The following BRF1 variants were observed in gnomAD, a reference collection of about 807,000 sequenced individuals.
BRF1 encodes BRF1 general transcription factor IIIB subunit.
Under a neutral mutation model 81.7 loss-of-function variants are expected in BRF1, and 59 were observed. That is an observed-to-expected ratio of 0.72 (90% confidence interval 0.59 to 0.90). BRF1 has a LOEUF of 0.90. Among genes scored for constraint, BRF1 ranks in the 40% least tolerant of loss-of-function variants. BRF1 has a pLI of 0.00. For synonymous variants in BRF1, 491 were observed against 395.6 expected, an observed-to-expected ratio of 1.24 and a Z score of -2.86; for missense variants, 1,050 against 936.3, an observed-to-expected ratio of 1.12 and a Z score of -1.58.
rs758460283 is a variant in BRF1, at chr14:105,249,920, G to T, written c.544+2587C>A. The T allele has an allele frequency of 2.5e-6, 4 of 1,611,206 alleles. No individual in the cohort carries two copies. The South Asian group carries it at 4.4e-5, about 18-fold the overall frequency. ...AGACCGGCAGACGCTGGAGATCATT[G>T]TCACTCGGGAGGCCCTCAACACCAA... On this transcript the variant is annotated intron_variant, in intron 5 of 17. Coordinates refer to ENST00000547530, the MANE Select transcript of BRF1 (RefSeq NM_001519.4).
intron 7 of BRF1, among the ~76,000 whole-genome samples, chr14:105,228,588 C>T (rs111771852): frequency 1.5e-3 from 226 of 151,904 alleles, no homozygotes; most frequent in Middle Eastern, 3.4e-3. Context: ...AGGATGCCTC[C>T]GCAGGATAGG....
chr14:105,249,577 C>G, intron 5 of BRF1: 1 of 1,586,396 alleles, frequency 6.3e-7, no homozygotes, highest in South Asian at 1.2e-5. Context: ...ACTCCTCTCC[C>G]AGGCCCAGCC....
intron 1 of BRF1, among the ~76,000 whole-genome samples, chr14:105,288,190 C>A (rs1291680735): frequency 2.0e-5 from 3 of 152,228 alleles, no homozygotes; most frequent in Non-Finnish European, 1.5e-5. Flanking sequence ...CGCGGTGGCT[C>A]ACGCTTGTAA....
At position 105,315,104 on chromosome 14, in the gene BRF1, TGC is replaced by T; in HGVS notation, c.-162+216_-162+217del. 1.0e-6 allele frequency: 1 copy of T among 984,090 alleles called. No homozygotes were observed. The highest frequency in any genetic ancestry group is 1.2e-6 in the Non-Finnish European group (1 of 813,376). 61.0% of individuals were successfully genotyped at this position (984,090 alleles called of 1,614,324 possible). A position where few individuals can be genotyped will look rare whatever the true frequency, so the allele number is the denominator to read the frequency against. ...CTGGGGGTGTCCTGGCCGCGGCCTCTGCGCGCCCCATCCCCGGCCCGGGTCCC... is the reference window on the plus strand; with the variant it reads ...CTGGGGGTGTCCTGGCCGCGGCCTCTGCGCCCCATCCCCGGCCCGGGTCCC... On this transcript the variant is annotated intron_variant, in intron 1 of 17. Coordinates refer to the BRF1 transcript ENST00000327359. This position sits in a 1 kb window ranked among gnomAD's most constrained non-coding sequence, Gnocchi z 4.4.
intron 1 of BRF1, among the ~76,000 whole-genome samples, chr14:105,288,958 C>G (rs2140492456): frequency 6.6e-6 from 1 of 151,156 alleles, no homozygotes; most frequent in Non-Finnish European, 1.5e-5. Flanking sequence ...ATCACTAGAG[C>G]CCGGGAGGTC....
chr14:105,281,229 T>C (rs868843240), intron 2 of BRF1, among the ~76,000 whole-genome samples: 637 of 53,874 alleles, frequency 0.012, no homozygotes, highest in Middle Eastern at 0.024. Flanking sequence ...GCCTGCGTGA[T>C]CCTGAGCCCG....
chr14:105,211,258 C>A lies in BRF1; in HGVS notation c.1860G>T (p.Glu620Asp). The change falls in exon 17 of 18, where the codon GAG becomes GAT. Residue 620 changes from glutamate (E) to aspartate (D), a missense_variant. By Grantham distance (45) the Glu-to-Asp change is conservative. This residue lies in a region of BRF1 where 1,043 missense variants were observed against 915.4 expected (regional missense o/e 1.14). Transcript: ENST00000547530. Reference protein sequence around the residue: ...LLPSSPTLGAEPARPQAVLVE... With the variant: ...LLPSSPTLGADPARPQAVLVE... Reference sequence around the variant, plus strand: ...CCAGCACCGCCTGGGGCCTGGCAGGCTCAGCTCCGAGGGTGGGAGAGCTTG... The same window carrying A: ...CCAGCACCGCCTGGGGCCTGGCAGGATCAGCTCCGAGGGTGGGAGAGCTTG... 1 of 1,607,566 alleles carries A rather than the reference C, an allele frequency of 6.2e-7. No homozygotes were observed. Among genetic ancestry groups the A allele is most frequent in the Non-Finnish European group, 8.5e-7 (1 of 1,177,268 alleles).
intron 2 of BRF1, among the ~76,000 whole-genome samples, chr14:105,282,192 G>C (rs1208007231): frequency 6.6e-6 from 1 of 152,190 alleles, no homozygotes; most frequent in Non-Finnish European, 1.5e-5. Context: ...ACCATCCCAG[G>C]GGGAAGGGGC....
In BRF1 at chr14:105,219,533, C is replaced by T. The variant is rs1029357787; in HGVS notation, c.1378-301G>A. ...CCAGAGTGCAGGCCACAGGTTCCCA[C>T]AAAGGGGCCAAGTGAGGGTGAGAGC... On this transcript the variant is annotated intron_variant, in intron 12 of 17. Transcript: ENST00000547530. 17 of 534,732 alleles carry T rather than the reference C, an allele frequency of 3.2e-5. 1 individual carries two copies. Among genetic ancestry groups the T allele is most frequent in the Non-Finnish European group, 4.9e-5 (15 of 305,902 alleles). The allele number at this position is 534,732 out of a possible 1,614,324, so 33.1% of individuals were successfully genotyped here. A position where few individuals can be genotyped will look rare whatever the true frequency, so the allele number is the denominator to read the frequency against.
At chr14:105,218,622 G>T (rs1036002795) in intron 14 of BRF1, among the ~76,000 whole-genome samples, 1 of 152,222 alleles carries the variant, frequency 6.6e-6, no homozygotes, top group Non-Finnish European at 1.5e-5. Flanking sequence ...AAGTCACCGT[G>T]ACGGCCACAA....
At chr14:105,305,286 C>T (rs2058154062), upstream of BRF1, among the ~76,000 whole-genome samples, 1 of 152,136 alleles carries the variant, frequency 6.6e-6, no homozygotes. Context: ...TCTGTAGTCC[C>T]AGCTACTTGG....
chr14:105,314,534 G>C (rs1450378377), intron 1 of BRF1: 2 of 147,238 alleles, frequency 1.4e-5, no homozygotes, highest in Non-Finnish European at 3.0e-5. Flanking sequence ...CGGCGGGCGG[G>C]GACGCCCCGT....
intron 1 of BRF1, among the ~76,000 whole-genome samples, chr14:105,287,577 G>A (rs2057362802): frequency 6.6e-6 from 1 of 152,202 alleles, no homozygotes; most frequent in Admixed American, 6.5e-5. Context: ...ACACTGGAAG[G>A]ATAGGATGCA....
chr14:105,224,038 A>G (rs928528076), intron 10 of BRF1, among the ~76,000 whole-genome samples: 1 of 152,220 alleles, frequency 6.6e-6, no homozygotes, highest in Non-Finnish European at 1.5e-5. Flanking sequence ...CCCAACAGAC[A>G]ACTTTGTATC....
chr14:105,225,592 C>T (rs1180718098), intron 10 of BRF1, among the ~76,000 whole-genome samples: 1 of 152,020 alleles, frequency 6.6e-6, no homozygotes, highest in South Asian at 2.1e-4. Context: ...CCCAAAATAT[C>T]TTTGACATAT....
intron 4 of BRF1, 31 bp downstream of exon 4, chr14:105,256,487 T>C (rs757158579): frequency 6.2e-7 from 1 of 1,613,634 alleles, no homozygotes; most frequent in Non-Finnish European, 8.5e-7. Flanking sequence ...CAACCCCAGG[T>C]GGGGAAAGAT....
Position 105,220,468 on chromosome 14 carries a change from AG to A in BRF1, c.1316-339del, listed in dbSNP as rs587673222. Among the ~76,000 whole-genome samples the A allele has an allele frequency of 9.5e-4, 144 of 152,344 alleles. 1 individual carries two copies. Among genetic ancestry groups the A allele is most frequent in the African/African-American group, 3.4e-3 (140 of 41,582 alleles). ...CCGAGGGAGGGCACGGAAGCTGGGC[AG>A]GAAGGAAAGGTCAGGCCACGGAGTG... is the stretch of plus-strand genomic sequence containing the variant. On this transcript the variant is annotated intron_variant, in intron 11 of 17. Coordinates refer to ENST00000547530, the MANE Select transcript of BRF1 (RefSeq NM_001519.4).
At chr14:105,273,019 C>G (rs2056725525) in intron 2 of BRF1, 125 bp from the exon 3 acceptor site, 1 of 1,106,614 alleles carries the variant, frequency 9.0e-7, no homozygotes, top group South Asian at 2.0e-5. Context: ...TCTGAGCTCA[C>G]TTTTTATATG....
At position 105,300,722 on chromosome 14, in the gene BRF1, C is replaced by T; in HGVS notation, c.-93G>A. ...GCCCGCGCCGCCCGCCCAGGCCCAG[C>T]CGCCCAGGCCTCGCCGCTCTCGCGA... On this transcript the variant is annotated 5_prime_UTR_variant, in exon 1 of 18. Transcript: ENST00000547530. 9.9e-7 allele frequency: 1 copy of T among 1,012,050 alleles called. No homozygotes were observed. The highest frequency in any genetic ancestry group is 4.8e-5 in the South Asian group (1 of 20,916). The allele number at this position is 1,012,050 out of a possible 1,614,324, so 62.7% of individuals were successfully genotyped here.
Sources: allele counts gnomAD v4.1 joint callset (sites outside exome capture counted in the v4.1 genomes callset), GRCh38; gene constraint gnomAD v4.1.1; regional missense constraint gnomAD v4.1.1; non-coding constraint Gnocchi (gnomAD v3.1); transcripts MANE v1.5; gene names NCBI Gene and HGNC (gene_info 2026-07-23, HGNC 2026-07-21).